The following SERBP1 variants were observed in gnomAD, a reference collection of about 807,000 sequenced individuals.
The protein encoded by SERBP1 is SERPINE1 mRNA-binding protein 1.
In SERBP1, 6 loss-of-function variants were observed where a neutral mutation model predicts 50.2. That is an observed-to-expected ratio of 0.12 (90% CI 0.07 to 0.24). The LOEUF is 0.24. Ranked by LOEUF, SERBP1 falls within the 10% of genes least tolerant of loss-of-function variation. SERBP1 has a pLI of 1.00. For synonymous variants in SERBP1, 168 were observed against 182.8 expected, an observed-to-expected ratio of 0.92 and a Z score of 0.65; for missense variants, 346 against 524.9, an observed-to-expected ratio of 0.66 and a Z score of 3.33.
In SERBP1 at chr1:67,410,588, A is replaced by C. The variant is rs1666803723; in HGVS notation, c.*2619T>G. On this transcript the variant is annotated 3_prime_UTR_variant, in exon 8 of 8. Coordinates refer to ENST00000361219, the MANE Select transcript of SERBP1 (RefSeq NM_001018069.2). The stretch of plus-strand genomic sequence containing the variant: ...CAATCATTTCAATACAAGCTGTAAA[A>C]ATGCCTTAAAAATCTCAGGTCTGGC... 1 of 152,198 alleles carries C rather than the reference A, an allele frequency of 6.6e-6. No homozygotes were observed. The highest frequency in any genetic ancestry group is 1.5e-5 in the Non-Finnish European group (1 of 68,024). The allele number at this position is 152,198 out of a possible 1,614,324, so 9.4% of individuals were successfully genotyped here.
At chr1:67,423,248 G>A (rs112588573) in intron 5 of SERBP1, among the ~76,000 whole-genome samples, 13,930 of 149,930 alleles carry the variant, frequency 0.093, 718 homozygotes, top group Admixed American at 0.11. Context: ...GCAGTGAGCC[G>A]ACAGTGCCAC....
intron 7 of SERBP1, among the ~76,000 whole-genome samples, chr1:67,414,060 G>C (rs1377721729): frequency 1.3e-5 from 2 of 152,150 alleles, no homozygotes; most frequent in East Asian, 3.9e-4. Flanking sequence ...AAAGTACTGG[G>C]ATTACAGGCG....
rs1666876854 is a variant in SERBP1, at chr1:67,412,526, T to A, written c.*681A>T. On this transcript the variant is annotated 3_prime_UTR_variant, in exon 8 of 8. Transcript: ENST00000361219. ...GTTATAATTTGAACCTAATGAGCCA[T>A]GCAAGGAGCAAGGGTTAATAAACCA... 1 of 152,650 alleles carries A rather than the reference T, an allele frequency of 6.6e-6. No homozygotes were observed. The highest frequency in any genetic ancestry group is 2.4e-5 in the African/African-American group (1 of 41,452). 9.5% of individuals were successfully genotyped at this position (152,650 alleles called of 1,614,324 possible). A position where few individuals can be genotyped will look rare whatever the true frequency, so the allele number is the denominator to read the frequency against.
chr1:67,428,687 TCAC>T lies in SERBP1; in HGVS notation c.313+1298_313+1300del, dbSNP rs377738378. On this transcript the variant is annotated intron_variant, in intron 1 of 7. Transcript: ENST00000361219. ...ACAAGAATTAATTATTTTCTTTTAT[TCAC>T]CACCTAGGACCGAGGTTCTTCATTC... Among the ~76,000 whole-genome samples the T allele has an allele frequency of 3.5e-3, 507 of 146,094 alleles. 4 individuals are homozygous for T. The highest frequency in any genetic ancestry group is 0.012 in the African/African-American group (448 of 38,922).
rs577777651 is a variant in SERBP1 at position 67,411,273 on chromosome 1, A to G, written c.*1934T>C. 3.3e-5 allele frequency: 5 copies of G among 152,244 alleles called. No homozygotes were observed. The highest frequency in any genetic ancestry group is 1.2e-4 in the African/African-American group (5 of 41,562). The allele number at this position is 152,244 out of a possible 1,614,324, so 9.4% of individuals were successfully genotyped here. On this transcript the variant is annotated 3_prime_UTR_variant, in exon 8 of 8. Transcript: ENST00000361219. ...ACGACAGCAATGGATGACACTGAGA[A>G]GTTGTGTTTTGAGTAGCAGGTGTTT... is the stretch of plus-strand genomic sequence containing the variant.
At position 67,420,383 on chromosome 1, in the gene SERBP1, G is replaced by A. The variant is rs186334116; in HGVS notation, c.774-197C>T. 11 of 500,270 alleles carry A rather than the reference G, an allele frequency of 2.2e-5. No individual in the cohort carries two copies. The East Asian group carries it at 3.7e-4, about 17-fold the overall frequency. 31.0% of individuals were successfully genotyped at this position (500,270 alleles called of 1,614,324 possible). ...AGGAATTCAGTGTTTGCTAATTAGA[G>A]ACAAGTAAGGAATATGGAATTCATA... On this transcript the variant is annotated intron_variant, in intron 5 of 7. Transcript: ENST00000361219.
At chr1:67,414,877 G>A (rs1666952593) in intron 7 of SERBP1, among the ~76,000 whole-genome samples, 1 of 152,158 alleles carries the variant, frequency 6.6e-6, no homozygotes, top group South Asian at 2.1e-4. Flanking sequence ...AAATGAGAAT[G>A]TCATCACAGT....
intron 1 of SERBP1, chr1:67,429,561 G>A (rs1197269421): frequency 6.2e-6 from 1 of 162,558 alleles, no homozygotes; most frequent in African/African-American, 2.4e-5. Context: ...CAAAGGAGCA[G>A]CTCTGCGCAG....
At position 67,410,500 on chromosome 1, in the gene SERBP1, A is replaced by T. The variant is rs1027281317; in HGVS notation, c.*2707T>A. 6.6e-6 allele frequency: 1 copy of T among 152,214 alleles called. No homozygotes were observed. The highest frequency in any genetic ancestry group is 6.5e-5 in the Admixed American group (1 of 15,284). The allele number at this position is 152,214 out of a possible 1,614,324, so 9.4% of individuals were successfully genotyped here. ...GAACTAACTAGATGTATATGGTGCC[A>T]ATTTTTAAAAGTCTTGCTTAACTCC... On this transcript the variant is annotated 3_prime_UTR_variant, in exon 8 of 8. Transcript: ENST00000361219.
intron 6 of SERBP1, among the ~76,000 whole-genome samples, chr1:67,416,961 C>T (rs1667030007): frequency 6.6e-6 from 1 of 152,114 alleles, no homozygotes; most frequent in Non-Finnish European, 1.5e-5. Context: ...ACCAACCAAC[C>T]ATATAACAAT....
In SERBP1 at chr1:67,410,854, C is replaced by G. The variant is rs1301100535; in HGVS notation, c.*2353G>C. On this transcript the variant is annotated 3_prime_UTR_variant, in exon 8 of 8. Transcript: ENST00000361219. The stretch of plus-strand genomic sequence containing the variant: ...TTGTATTTTACAAGAATTCAACTTT[C>G]CCAATTAAGTCATTAGTCATTAAGA... 6.6e-6 allele frequency: 1 copy of G among 152,096 alleles called. No individual in the cohort carries two copies. Among genetic ancestry groups the G allele is most frequent in the Non-Finnish European group, 1.5e-5 (1 of 67,972 alleles). The allele number at this position is 152,096 out of a possible 1,614,324, so 9.4% of individuals were successfully genotyped here.
Position 67,424,194 on chromosome 1 carries a change from A to G in SERBP1, c.773+6T>C. On this transcript the variant is annotated splice_donor_region_variant and intron_variant, in intron 5 of 7. Coordinates refer to ENST00000361219, the MANE Select transcript of SERBP1 (RefSeq NM_001018069.2). ...GGTCATTACTATTACACGCAATACC[A>G]CTTACTTATTTTCAGTGTCTGCCAC... 6.2e-7 allele frequency: 1 copy of G among 1,607,822 alleles called. No homozygotes were observed. Among genetic ancestry groups the G allele is most frequent in the Non-Finnish European group, 8.5e-7 (1 of 1,178,382 alleles).
intron 1 of SERBP1, chr1:67,429,651 A>G (rs534350339): frequency 4.2e-6 from 1 of 237,736 alleles, no homozygotes; most frequent in Non-Finnish European, 8.2e-6. Flanking sequence ...ACCTCAGTCC[A>G]TGCGCTCACC....
At chr1:67,428,255 A>C (rs1363545187) in intron 1 of SERBP1, among the ~76,000 whole-genome samples, 1 of 152,262 alleles carries the variant, frequency 6.6e-6, no homozygotes, top group Admixed American at 6.5e-5. Context: ...GGAAAGACTC[A>C]TTGAACGGTG....
At chr1:67,416,927 C>A (rs775807085) in intron 6 of SERBP1, among the ~76,000 whole-genome samples, 1 of 152,082 alleles carries the variant, frequency 6.6e-6, no homozygotes, top group African/African-American at 2.4e-5. Flanking sequence ...AACCACAGAT[C>A]GAAAATATTC....
chr1:67,424,177 C>G, intron 5 of SERBP1, 23 bp downstream of exon 5: 1 of 1,596,458 alleles, frequency 6.3e-7, no homozygotes, highest in Non-Finnish European at 8.5e-7. Flanking sequence ...TGGGTCATTA[C>G]TATTACACGC....
chr1:67,411,917 T>C lies in SERBP1; in HGVS notation c.*1290A>G, dbSNP rs1666857602. On this transcript the variant is annotated 3_prime_UTR_variant, in exon 8 of 8. Coordinates refer to ENST00000361219, the MANE Select transcript of SERBP1 (RefSeq NM_001018069.2). ...TTTTAATAAGTGGTGATGCTCCCAT[T>C]ATAGGAATCCATTATTTACCTAATT... 1 of 152,398 alleles carries C rather than the reference T, an allele frequency of 6.6e-6. No homozygotes were observed. Among genetic ancestry groups the C allele is most frequent in the Non-Finnish European group, 1.5e-5 (1 of 68,032 alleles). 9.4% of individuals were successfully genotyped at this position (152,398 alleles called of 1,614,324 possible). A position where few individuals can be genotyped will look rare whatever the true frequency, so the allele number is the denominator to read the frequency against.
intron 1 of SERBP1, 61 bp downstream of exon 1, chr1:67,429,920 TGGCAGCC>T: frequency 6.8e-7 from 1 of 1,474,462 alleles, no homozygotes; most frequent in Non-Finnish European, 9.1e-7. Flanking sequence ...CAGAAACAAG[TGGCAGCC>T]GGCAGCCCCC....
intron 6 of SERBP1, 120 bp from the exon 7 acceptor site, chr1:67,415,459 A>C: frequency 1.1e-6 from 1 of 910,920 alleles, no homozygotes; most frequent in Non-Finnish European, 1.6e-6. Context: ...CTGTGAACAA[A>C]TGTCTCAATG....
Sources: gnomAD v4.1 joint callset for allele counts (sites outside exome capture counted in the v4.1 genomes callset) on GRCh38, gnomAD v4.1.1 for gene constraint, MANE v1.5 for transcripts, NCBI Gene and HGNC (gene_info 2026-07-23, HGNC 2026-07-21) for gene names.